PTPRD: variants seen among roughly 807,000 people sequenced by gnomAD.
PTPRD encodes receptor-type tyrosine-protein phosphatase delta.
In PTPRD, 34 loss-of-function variants were observed where a neutral mutation model predicts 214.5. The observed-to-expected ratio is 0.16, with a 90% CI of 0.12 to 0.21. The LOEUF (loss-of-function observed/expected upper bound fraction) is 0.21. PTPRD is among the 10% of genes least tolerant of loss of function. PTPRD has a pLI of 1.00. For synonymous variants in PTPRD, 1,128 were observed against 845.7 expected (o/e 1.33, Z -5.79); for missense variants, 2,545 against 2,398.7 (o/e 1.06, Z -1.27).
At chr9:9,902,723 G>A (rs549934649) in intron 5 of PTPRD, among the ~76,000 whole-genome samples, 4 of 152,082 alleles carry the variant, frequency 2.6e-5, no homozygotes, top group Non-Finnish European at 5.9e-5. Flanking sequence ...CAGTAGGTAG[G>A]ATGATAGATA....
intron 3 of PTPRD, among the ~76,000 whole-genome samples, chr9:10,051,420 G>T (rs2097532906): frequency 6.6e-6 from 1 of 151,628 alleles, no homozygotes. Context: ...TGATATCTGT[G>T]ATATTACAAT....
At chr9:8,762,054 G>C (rs1424497872) in intron 11 of PTPRD, among the ~76,000 whole-genome samples, 2 of 152,134 alleles carry the variant, frequency 1.3e-5, no homozygotes, top group East Asian at 3.9e-4. Flanking sequence ...TGAGACTGAA[G>C]ACTAAGTCTA....
intron 7 of PTPRD, among the ~76,000 whole-genome samples, chr9:9,641,996 CAA>C (rs1229704897): frequency 6.6e-6 from 1 of 151,266 alleles, no homozygotes; most frequent in Non-Finnish European, 1.5e-5. Flanking sequence ...TTCACAATAG[CAA>C]AGACTTGGAA....
chr9:10,485,303 C>T (rs1206401650), intron 2 of PTPRD, among the ~76,000 whole-genome samples: 3 of 151,938 alleles, frequency 2.0e-5, no homozygotes, highest in African/African-American at 7.2e-5. Flanking sequence ...TGTGATACTT[C>T]CAATTTTATT....
chr9:8,499,891 A>C (rs2136858794), intron 24 of PTPRD, 51 bp from the exon 25 acceptor site: 1 of 1,469,108 alleles, frequency 6.8e-7, no homozygotes, highest in South Asian at 1.4e-5. Context: ...GTCCCACCCT[A>C]TCAGAGCATT....
chr9:9,826,719 G>C (rs1334569510), intron 5 of PTPRD, among the ~76,000 whole-genome samples: 1 of 151,780 alleles, frequency 6.6e-6, no homozygotes, highest in African/African-American at 2.4e-5. Context: ...TGCAAAGAGG[G>C]ACAATTTGAC....
At chr9:9,861,614 C>A (rs1440171630) in intron 5 of PTPRD, among the ~76,000 whole-genome samples, 1 of 152,102 alleles carries the variant, frequency 6.6e-6, no homozygotes, top group Non-Finnish European at 1.5e-5. Context: ...TATCAAAACT[C>A]ATGGAAAGAA....
At chr9:8,509,846 T>A (rs1461186117) in intron 21 of PTPRD, among the ~76,000 whole-genome samples, 2 of 152,160 alleles carry the variant, frequency 1.3e-5, no homozygotes, top group African/African-American at 2.4e-5. Context: ...ACACTGTCCT[T>A]TTTATTCTTG....
At chr9:9,245,538 A>T (rs1361476764) in intron 9 of PTPRD, among the ~76,000 whole-genome samples, 1 of 151,394 alleles carries the variant, frequency 6.6e-6, no homozygotes, top group Non-Finnish European at 1.5e-5. Context: ...CAAACACTGC[A>T]TGTTCTCACT....
intron 11 of PTPRD, among the ~76,000 whole-genome samples, chr9:8,998,316 A>T (rs1328086993): frequency 2.6e-5 from 4 of 152,030 alleles, no homozygotes; most frequent in African/African-American, 9.7e-5. Context: ...GGTGACTTTT[A>T]GTGGAAGACA....
rs1388322681 is a variant in PTPRD at position 8,855,427 on chromosome 9, C to G, written c.-103-121481G>C. Among the ~76,000 whole-genome samples, 2 of 152,260 alleles carry G rather than the reference C, an allele frequency of 1.3e-5. 1 individual carries two copies. Among genetic ancestry groups the G allele is most frequent in the South Asian group, 4.1e-4 (2 of 4,822 alleles). ...GCATTTCATTACTTGAGTAACTGCACAACTGCTCTGGCCCAAGAAGAATCT... is the reference window on the plus strand; with the variant it reads ...GCATTTCATTACTTGAGTAACTGCAGAACTGCTCTGGCCCAAGAAGAATCT... On this transcript the variant is annotated intron_variant, in intron 11 of 45. Transcript: ENST00000381196.
chr9:8,799,074 T>C (rs2096513402), intron 11 of PTPRD, among the ~76,000 whole-genome samples: 1 of 152,200 alleles, frequency 6.6e-6, no homozygotes, highest in African/African-American at 2.4e-5. Flanking sequence ...CATTGCTTTA[T>C]TTAATATTAA....
At chr9:8,373,368 A>C (rs78045929) in intron 39 of PTPRD, among the ~76,000 whole-genome samples, 2 of 152,090 alleles carry the variant, frequency 1.3e-5, no homozygotes, top group East Asian at 1.9e-4. Context: ...TAATTATTTC[A>C]CAGAGCTCAG....
At chr9:10,486,905 G>C (rs1482497760) in intron 2 of PTPRD, among the ~76,000 whole-genome samples, 2 of 151,984 alleles carry the variant, frequency 1.3e-5, no homozygotes, top group East Asian at 1.9e-4. Context: ...ATGTGGTGTT[G>C]AAATCTCCAG....
chr9:9,549,611 A>G (rs2079695324), intron 8 of PTPRD, among the ~76,000 whole-genome samples: 1 of 152,146 alleles, frequency 6.6e-6, no homozygotes, highest in African/African-American at 2.4e-5. Flanking sequence ...AAGTAAAAAC[A>G]TGTCATAAAA....
In PTPRD at chr9:8,549,585, T is replaced by C. The variant is rs542005005; in HGVS notation, c.353-20806A>G. Among the ~76,000 whole-genome samples, 5 of 152,350 alleles carry C rather than the reference T, an allele frequency of 3.3e-5. No individual in the cohort carries two copies. In the South Asian group the frequency reaches 1.0e-3, roughly 32 times the overall value. On this transcript the variant is annotated intron_variant, in intron 14 of 45. Transcript: ENST00000381196. Reference sequence around the variant, plus strand: ...AGAACAATTATATTATTTTGCATTGTAGATTTTAAACATAGAGAAAAATAT... The same window carrying C: ...AGAACAATTATATTATTTTGCATTGCAGATTTTAAACATAGAGAAAAATAT...
At chr9:8,656,920 T>C (rs938085588) in intron 12 of PTPRD, among the ~76,000 whole-genome samples, 2 of 152,174 alleles carry the variant, frequency 1.3e-5, no homozygotes, top group Admixed American at 6.5e-5. Flanking sequence ...TGAAATCACA[T>C]AGCTTTACAT....
chr9:9,557,228 G>C (rs1034264813), intron 8 of PTPRD, among the ~76,000 whole-genome samples: 1 of 152,114 alleles, frequency 6.6e-6, no homozygotes, highest in Non-Finnish European at 1.5e-5. Flanking sequence ...CATGATGGAA[G>C]GGGGGAAGGG....
chr9:9,086,800 G>T (rs537123152), intron 10 of PTPRD, among the ~76,000 whole-genome samples: 2 of 152,202 alleles, frequency 1.3e-5, no homozygotes, highest in East Asian at 1.9e-4. Flanking sequence ...AAGATGACTG[G>T]TTAGGTGAGT....
Sources: gnomAD v4.1 joint callset for allele counts (sites outside exome capture counted in the v4.1 genomes callset) on GRCh38, gnomAD v4.1.1 for gene constraint, MANE v1.5 for transcripts, NCBI Gene and HGNC (gene_info 2026-07-23, HGNC 2026-07-21) for gene names.